CHRM3: variants seen among roughly 807,000 people sequenced by gnomAD.
The protein encoded by CHRM3 is cholinergic receptor muscarinic 3.
A neutral mutation model predicts 41.8 loss-of-function variants in CHRM3; 11 were observed. That is an observed-to-expected ratio of 0.26 (90% CI 0.17 to 0.44). The LOEUF (loss-of-function observed/expected upper bound fraction) is 0.44, where lower values mean the gene tolerates loss of function less well. CHRM3 is among the 20% of genes least tolerant of loss of function. The pLI, the probability that CHRM3 is intolerant of heterozygous loss-of-function variation, is 1.00. For synonymous variants in CHRM3, 297 were observed against 301.4 expected, an observed-to-expected ratio of 0.99 and a Z score of 0.15; for missense variants, 571 against 745.4, an observed-to-expected ratio of 0.77 and a Z score of 2.72.
chr1:239,421,846 A>AT (rs201854582), intron 1 of CHRM3, among the ~76,000 whole-genome samples: 36 of 148,208 alleles, frequency 2.4e-4, no homozygotes, highest in Admixed American at 4.0e-4. Context: ...CTGATGCCAG[A>AT]TTTTTTTTTT....
chr1:239,844,942 T>C (rs1674142019), intron 6 of CHRM3, among the ~76,000 whole-genome samples: 1 of 152,156 alleles, frequency 6.6e-6, no homozygotes, highest in South Asian at 2.1e-4. Flanking sequence ...CAGTGTGAAC[T>C]AAGGAAAGAG....
intron 5 of CHRM3, among the ~76,000 whole-genome samples, chr1:239,715,162 T>C (rs1028413928): frequency 6.6e-6 from 1 of 152,258 alleles, no homozygotes; most frequent in Admixed American, 6.5e-5. Flanking sequence ...AGTTACTGAT[T>C]ACCTTGGAAA....
At chr1:239,703,954 A>G (rs1354764633) in intron 5 of CHRM3, 2 of 152,320 alleles carry the variant, frequency 1.3e-5, no homozygotes, top group Admixed American at 6.5e-5. Flanking sequence ...TTTTATGTCA[A>G]GTTTGACATT....
intron 3 of CHRM3, among the ~76,000 whole-genome samples, chr1:239,571,204 G>A (rs946847476): frequency 6.6e-6 from 1 of 152,126 alleles, no homozygotes; most frequent in African/African-American, 2.4e-5. Flanking sequence ...ACCTTGTAAT[G>A]CAAAAGTGGA....
rs141444904 is a variant in CHRM3 at position 239,788,861 on chromosome 1, T to C, written c.-146-38391T>C. 4.5e-4 allele frequency among the ~76,000 whole-genome samples: 69 copies of C among 152,330 alleles called. No individual in the cohort carries two copies. In the East Asian group the frequency reaches 6.8e-3, roughly 15 times the overall value. Reference sequence around the variant, plus strand: ...TACAAAAAATGAAATTTTCATTCAATTGTAAAGTATATTTTATGCCATTTT... The same window carrying C: ...TACAAAAAATGAAATTTTCATTCAACTGTAAAGTATATTTTATGCCATTTT... On this transcript the variant is annotated intron_variant, in intron 5 of 6. Coordinates refer to ENST00000676153, the MANE Select transcript of CHRM3 (RefSeq NM_001375978.1).
intron 2 of CHRM3, among the ~76,000 whole-genome samples, chr1:239,528,718 C>T (rs1163545124): frequency 6.6e-6 from 1 of 152,072 alleles, no homozygotes; most frequent in Non-Finnish European, 1.5e-5. Flanking sequence ...CATGGTGAAA[C>T]CCCGTCTCTA....
At chr1:239,705,271 G>A (rs1475702394) in intron 5 of CHRM3, 1 of 152,184 alleles carries the variant, frequency 6.6e-6, no homozygotes, top group Non-Finnish European at 1.5e-5. Flanking sequence ...AGCCCTATCT[G>A]AGCACAGTCG....
At chr1:239,427,517 C>A (rs920315334) in intron 1 of CHRM3, among the ~76,000 whole-genome samples, 1 of 152,054 alleles carries the variant, frequency 6.6e-6, no homozygotes, top group Non-Finnish European at 1.5e-5. Flanking sequence ...TACATGCTGA[C>A]CTCCCTCTCT....
intron 3 of CHRM3, among the ~76,000 whole-genome samples, chr1:239,566,682 T>A (rs1038796856): frequency 1.3e-5 from 2 of 152,190 alleles, no homozygotes; most frequent in Non-Finnish European, 2.9e-5. Flanking sequence ...ATTCTACACA[T>A]ATAAGTTTGG....
At chr1:239,562,747 G>A (rs1245346509) in intron 3 of CHRM3, among the ~76,000 whole-genome samples, 1 of 152,036 alleles carries the variant, frequency 6.6e-6, no homozygotes, top group East Asian at 1.9e-4. Context: ...AATTAGCTGG[G>A]CGTGGTGGCT....
chr1:239,567,379 A>G (rs1369484822), intron 3 of CHRM3, among the ~76,000 whole-genome samples: 5 of 152,140 alleles, frequency 3.3e-5, no homozygotes, highest in Non-Finnish European at 7.4e-5. Context: ...TCAGAAAACA[A>G]CTTGATAACA....
chr1:239,888,969 T>C (rs778147992), intron 6 of CHRM3, among the ~76,000 whole-genome samples: 1 of 152,166 alleles, frequency 6.6e-6, no homozygotes, highest in Non-Finnish European at 1.5e-5. Context: ...CTGGTAATTA[T>C]ACTCCAGTCC....
intron 3 of CHRM3, among the ~76,000 whole-genome samples, chr1:239,550,524 T>A (rs188151395): frequency 4.5e-4 from 68 of 152,336 alleles, no homozygotes; most frequent in African/African-American, 1.4e-3. Context: ...CAATAAATAA[T>A]TACATTTGGC....
chr1:239,877,527 C>T (rs1197235193), intron 6 of CHRM3, among the ~76,000 whole-genome samples: 1 of 152,126 alleles, frequency 6.6e-6, no homozygotes, highest in East Asian at 1.9e-4. Flanking sequence ...TAGTTAACAC[C>T]TGTTACATGC....
At chr1:239,405,266 C>T (rs1183008625) in intron 1 of CHRM3, among the ~76,000 whole-genome samples, 1 of 152,142 alleles carries the variant, frequency 6.6e-6, no homozygotes, top group Non-Finnish European at 1.5e-5. Flanking sequence ...GTGACCCACA[C>T]ACAATCTCTT....
At position 239,729,016 on chromosome 1, in the gene CHRM3, T is replaced by A. The variant is rs146088363; in HGVS notation, c.-147+50728T>A. Reference sequence around the variant, plus strand: ...TGAGAACACTGAGAATGACATGAACTTTATTACAATACTAATACTCATAAG... The same window carrying A: ...TGAGAACACTGAGAATGACATGAACATTATTACAATACTAATACTCATAAG... On this transcript the variant is annotated intron_variant, in intron 5 of 6. Transcript: ENST00000676153. Among the ~76,000 whole-genome samples the A allele has an allele frequency of 2.8e-3, 428 of 152,030 alleles. 2 individuals carry two copies. Among genetic ancestry groups the A allele is most frequent in the African/African-American group, 9.9e-3 (412 of 41,546 alleles).
rs562375419 is a variant in CHRM3 at position 239,786,719 on chromosome 1, C to T, written c.-146-40533C>T. Among the ~76,000 whole-genome samples, 12 of 104,752 alleles carry T rather than the reference C, an allele frequency of 1.1e-4. No homozygotes were observed. The South Asian group carries it at 3.2e-3, about 28-fold the overall frequency. The allele number at this position is 104,752 out of a possible 152,430, so 68.7% of individuals were successfully genotyped here. ...CCGAGGGCAGGCGGGCCTTCCACAG[C>T]GAGGCATGCTGCTGAAGGTGTCATA... On this transcript the variant is annotated intron_variant, in intron 5 of 6. Transcript: ENST00000676153.
At chr1:239,702,655 G>C (rs1342807128) in intron 5 of CHRM3, among the ~76,000 whole-genome samples, 2 of 152,202 alleles carry the variant, frequency 1.3e-5, no homozygotes, top group African/African-American at 4.8e-5. Flanking sequence ...TGCCCAGGCT[G>C]GAGTGAGCGC....
chr1:239,890,268 G>A (rs1394264460), intron 6 of CHRM3, among the ~76,000 whole-genome samples: 5 of 152,030 alleles, frequency 3.3e-5, no homozygotes, highest in East Asian at 1.9e-4. Context: ...GTGAGGTTGC[G>A]GAGAGGAGGC....
Sources: gnomAD v4.1 joint callset for allele counts (sites outside exome capture counted in the v4.1 genomes callset) on GRCh38, gnomAD v4.1.1 for gene constraint, MANE v1.5 for transcripts, NCBI Gene and HGNC (gene_info 2026-07-23, HGNC 2026-07-21) for gene names.